Variants in SEC14L1 observed in about 807,000 individuals in gnomAD.
SEC14L1 encodes the protein SEC14 like lipid binding 1.
In SEC14L1, 48 loss-of-function variants were observed where a neutral mutation model predicts 85.3. That is an observed-to-expected ratio of 0.56 (90% CI 0.45 to 0.72). The LOEUF (loss-of-function observed/expected upper bound fraction) is 0.72, where lower values mean the gene tolerates loss of function less well. Among genes scored for constraint, SEC14L1 ranks in the 30% least tolerant of loss-of-function variants. The pLI, the probability that SEC14L1 is intolerant of heterozygous loss-of-function variation, is 0.00. For synonymous variants in SEC14L1, 391 were observed against 355.5 expected, an observed-to-expected ratio of 1.10 and a Z score of -1.12; for missense variants, 682 against 921.4, an observed-to-expected ratio of 0.74 and a Z score of 3.36.
intron 3 of SEC14L1, among the ~76,000 whole-genome samples, chr17:77,127,411 G>T (rs562430450): frequency 1.7e-3 from 253 of 152,108 alleles, no homozygotes; most frequent in African/African-American, 5.8e-3. Context: ...GTGCAGTGGC[G>T]CGATCTCAGC....
At chr17:77,205,497 GGACA>G (rs1976419301) in intron 11 of SEC14L1, 151 bp downstream of exon 11, 1 of 727,588 alleles carries the variant, frequency 1.4e-6, no homozygotes, top group African/African-American at 1.8e-5. Flanking sequence ...CAGTGACGAG[GGACA>G]GACAGTTAGT....
intron 3 of SEC14L1, among the ~76,000 whole-genome samples, chr17:77,187,229 A>G (rs968010645): frequency 3.9e-5 from 6 of 152,124 alleles, no homozygotes; most frequent in Admixed American, 2.0e-4. Flanking sequence ...AACCCATACA[A>G]CCTTACAGAG....
intron 3 of SEC14L1, among the ~76,000 whole-genome samples, chr17:77,179,493 G>A (rs1974912639): frequency 6.6e-6 from 1 of 152,022 alleles, no homozygotes; most frequent in South Asian, 2.1e-4. Context: ...CATCTATCAT[G>A]ATACTTTTTC....
chr17:77,215,492 G>A lies in SEC14L1; in HGVS notation c.*1469G>A. 1 of 985,906 alleles carries A rather than the reference G, an allele frequency of 1.0e-6. No individual in the cohort carries two copies. Among genetic ancestry groups the A allele is most frequent in the Non-Finnish European group, 1.2e-6 (1 of 830,234 alleles). 61.1% of individuals were successfully genotyped at this position (985,906 alleles called of 1,614,324 possible). Reference sequence around the variant, plus strand: ...GCACTGTGTGGGTGCTGCGTGACTGGAGAGCTGTGTGGAGGCCATGTGTGC... The same window carrying A: ...GCACTGTGTGGGTGCTGCGTGACTGAAGAGCTGTGTGGAGGCCATGTGTGC... On this transcript the variant is annotated 3_prime_UTR_variant, in exon 17 of 17. Coordinates refer to ENST00000436233, the MANE Select transcript of SEC14L1 (RefSeq NM_001143998.2).
intron 3 of SEC14L1, among the ~76,000 whole-genome samples, chr17:77,121,851 G>A (rs1395473910): frequency 1.3e-5 from 2 of 152,128 alleles, no homozygotes; most frequent in African/African-American, 2.4e-5. Flanking sequence ...CCAGGCCAAC[G>A]CTGCCTGCAG....
At chr17:77,114,666 C>T (rs1972126963) in intron 3 of SEC14L1, among the ~76,000 whole-genome samples, 1 of 151,278 alleles carries the variant, frequency 6.6e-6, no homozygotes, top group Non-Finnish European at 1.5e-5. Flanking sequence ...GAAACCCCGT[C>T]TCTACTAAAA....
At chr17:77,165,648 G>A (rs771758183) in intron 3 of SEC14L1, among the ~76,000 whole-genome samples, 11 of 152,084 alleles carry the variant, frequency 7.2e-5, no homozygotes, top group Admixed American at 1.3e-4. Context: ...TATTCCCAGT[G>A]CCTGAACTGA....
chr17:77,197,728 G>A (rs1975888279), intron 8 of SEC14L1, among the ~76,000 whole-genome samples: 1 of 151,866 alleles, frequency 6.6e-6, no homozygotes, highest in African/African-American at 2.4e-5. Flanking sequence ...TCCTGCCTCA[G>A]CCTCCTGAGA....
rs755448456 is a variant in SEC14L1, at chr17:77,213,983, C to T, written c.2108C>T (p.Ser703Phe). Residue 703 changes from serine (S) to phenylalanine (F), a missense_variant, in exon 17 of 17, where the codon TCC becomes TTC. Ser to Phe is a radical substitution (Grantham distance 155). Around this residue, in one of 3 missense-constraint regions of SEC14L1, gnomAD observed 420 missense variants for 619.5 expected, o/e 0.68. Coordinates refer to ENST00000436233, the MANE Select transcript of SEC14L1 (RefSeq NM_001143998.2). The surrounding 1 kb of genome is among the most constrained non-coding windows in gnomAD (Gnocchi z 7.1). ...TCCCAGCTGAGTGCCGCCACCACCT[C>T]CTCCAGCCAGTCCCACTCCAGCTCC... Reference protein sequence around the residue: ...GFSQLSAATTSSSQSHSSSMI... With the variant: ...GFSQLSAATTFSSQSHSSSMI... The T allele has an allele frequency of 6.2e-7, 1 of 1,613,322 alleles. No homozygotes were observed. Among genetic ancestry groups the T allele is most frequent in the African/African-American group, 1.3e-5 (1 of 74,872 alleles).
chr17:77,207,612 C>G (rs756180602), intron 13 of SEC14L1, among the ~76,000 whole-genome samples: 1 of 152,042 alleles, frequency 6.6e-6, no homozygotes, highest in Non-Finnish European at 1.5e-5. Context: ...CCACTACCCA[C>G]AGCTAATTGT....
intron 3 of SEC14L1, among the ~76,000 whole-genome samples, chr17:77,103,339 C>T (rs1033196981): frequency 1.3e-5 from 2 of 152,094 alleles, no homozygotes; most frequent in Non-Finnish European, 2.9e-5. Context: ...TCTAGAACTC[C>T]TGACCTCAGG....
intron 9 of SEC14L1, among the ~76,000 whole-genome samples, chr17:77,202,833 T>C (rs1976225321): frequency 6.6e-6 from 1 of 151,296 alleles, no homozygotes; most frequent in African/African-American, 2.4e-5. Context: ...GGCAGGAGAA[T>C]TGCTTGAACC....
intron 3 of SEC14L1, among the ~76,000 whole-genome samples, chr17:77,156,556 C>G (rs1392032151): frequency 1.3e-5 from 2 of 148,606 alleles, no homozygotes; most frequent in Admixed American, 1.3e-4. Context: ...GACTGGGCAG[C>G]AGAGCGAGAC....
At position 77,209,489 on chromosome 17, in the gene SEC14L1, C is replaced by A; in HGVS notation, c.1611+13C>A. ...AGCCCCACATGAGGTACGTCCTCCG[C>A]CTTCCTGCACCTGGGCCGGCCCTTC... On this transcript the variant is annotated intron_variant, in intron 14 of 16. Transcript: ENST00000436233. The A allele has an allele frequency of 1.2e-6, 2 of 1,612,330 alleles. No individual in the cohort carries two copies. The highest frequency in any genetic ancestry group is 1.7e-6 in the Non-Finnish European group (2 of 1,179,530).
At chr17:77,089,296 G>GTTCA (rs773849056) in intron 2 of SEC14L1, 2 of 468,654 alleles carry the variant, frequency 4.3e-6, no homozygotes, top group Non-Finnish European at 8.5e-6. Context: ...GTGACAAAGT[G>GTTCA]TTCAGGTCAG....
intron 2 of SEC14L1, among the ~76,000 whole-genome samples, chr17:77,091,612 C>T (rs764069044): frequency 6.6e-6 from 1 of 152,150 alleles, no homozygotes; most frequent in East Asian, 1.9e-4. Context: ...TAAATAGTCA[C>T]ATGTGGCTAG....
chr17:77,175,073 G>A (rs769941460), intron 3 of SEC14L1, among the ~76,000 whole-genome samples: 2 of 152,180 alleles, frequency 1.3e-5, no homozygotes, highest in Non-Finnish European at 2.9e-5. Context: ...ACTTGTGTGA[G>A]CATGTCAGGG....
intron 3 of SEC14L1, among the ~76,000 whole-genome samples, chr17:77,157,795 G>A (rs1973876104): frequency 1.3e-5 from 2 of 152,144 alleles, no homozygotes; most frequent in Admixed American, 1.3e-4. Context: ...CAAAGTATTG[G>A]GATTACAGGC....
At chr17:77,140,583 C>T (rs1196361185), upstream of SEC14L1, among the ~76,000 whole-genome samples, 1 of 152,246 alleles carries the variant, frequency 6.6e-6, no homozygotes, top group African/African-American at 2.4e-5. Context: ...CTTCCCTTTT[C>T]CCGCTCAGCC....
Sources: gnomAD v4.1 joint callset for allele counts (sites outside exome capture counted in the v4.1 genomes callset) on GRCh38, gnomAD v4.1.1 for gene constraint, gnomAD v4.1.1 regional missense constraint, Gnocchi (gnomAD v3.1) non-coding constraint, MANE v1.5 for transcripts, NCBI Gene and HGNC (gene_info 2026-07-23, HGNC 2026-07-21) for gene names.